Variants in ERC2 observed in about 807,000 individuals in gnomAD.
The protein encoded by ERC2 is ERC protein 2.
Under a neutral mutation model 114.8 loss-of-function variants are expected in ERC2, and 42 were observed. The ratio of observed to expected loss-of-function variants is 0.37; its 90% CI spans 0.29 to 0.47. The LOEUF (loss-of-function observed/expected upper bound fraction) is 0.47, where lower values mean the gene tolerates loss of function less well. Ranked by LOEUF, ERC2 falls within the 20% of genes least tolerant of loss-of-function variation. The pLI is 0.99. For missense variants in ERC2, 939 were observed against 1,150.7 expected, an observed-to-expected ratio of 0.82 and a Z score of 2.66; for synonymous variants, 454 against 425.5, an observed-to-expected ratio of 1.07 and a Z score of -0.82.
At chr3:55,890,278 C>A (rs1043255511) in intron 13 of ERC2, among the ~76,000 whole-genome samples, 1 of 152,012 alleles carries the variant, frequency 6.6e-6, no homozygotes, top group South Asian at 2.1e-4. Context: ...ATAGCAGTGA[C>A]CCCCAAAAAA....
chr3:56,250,661 A>G (rs1245502716), intron 3 of ERC2, among the ~76,000 whole-genome samples: 1 of 152,194 alleles, frequency 6.6e-6, no homozygotes, highest in Admixed American at 6.5e-5. Context: ...CCCCCTCATT[A>G]TATATTTTAA....
chr3:55,772,924 A>C (rs1420383496), intron 14 of ERC2, among the ~76,000 whole-genome samples: 1 of 152,168 alleles, frequency 6.6e-6, no homozygotes, highest in East Asian at 1.9e-4. Flanking sequence ...CCTACCTTCA[A>C]AATAGGTCCA....
chr3:56,462,012 CA>C (rs1193571592), intron 1 of ERC2, among the ~76,000 whole-genome samples: 2 of 152,190 alleles, frequency 1.3e-5, no homozygotes, highest in Non-Finnish European at 2.9e-5. Context: ...AGTCCATGGA[CA>C]GAATCTAATG....
Position 55,734,968 on chromosome 3 carries a change from A to C in ERC2, c.2565-50T>G, listed in dbSNP as rs140962855. On this transcript the variant is annotated intron_variant, in intron 14 of 17. Coordinates refer to ENST00000288221, the MANE Select transcript of ERC2 (RefSeq NM_015576.3). The stretch of plus-strand genomic sequence containing the variant: ...TCATTTTTGTAAAATAAAAAAAAAA[A>C]CAAACAATTGGCATTTATAGTTGAA... 7.9e-5 allele frequency: 115 copies of C among 1,461,938 alleles called. 1 individual carries two copies. Among genetic ancestry groups the C allele is most frequent in the Middle Eastern group, 1.8e-4 (1 of 5,604 alleles). 90.6% of individuals were successfully genotyped at this position (1,461,938 alleles called of 1,614,324 possible). A position where few individuals can be genotyped will look rare whatever the true frequency, so the allele number is the denominator to read the frequency against.
intron 3 of ERC2, among the ~76,000 whole-genome samples, chr3:56,249,051 G>A (rs758450323): frequency 6.6e-6 from 1 of 152,204 alleles, no homozygotes; most frequent in Non-Finnish European, 1.5e-5. Context: ...TGAGAAACAT[G>A]GCCAAATGTA....
At chr3:55,870,065 T>TA (rs1245448865) in intron 14 of ERC2, among the ~76,000 whole-genome samples, 1 of 150,174 alleles carries the variant, frequency 6.7e-6, no homozygotes, top group African/African-American at 2.5e-5. Flanking sequence ...TGTTATAGTA[T>TA]AAAAAAGAGT....
At chr3:56,239,903 G>A (rs187194876) in intron 3 of ERC2, among the ~76,000 whole-genome samples, 90 of 152,254 alleles carry the variant, frequency 5.9e-4, no homozygotes, top group Middle Eastern at 3.4e-3. Context: ...AACAAACATA[G>A]AGCAATGAAA....
At chr3:56,125,493 C>G (rs2079818132) in intron 6 of ERC2, among the ~76,000 whole-genome samples, 1 of 152,150 alleles carries the variant, frequency 6.6e-6, no homozygotes, top group African/African-American at 2.4e-5. Flanking sequence ...TGAACTGACC[C>G]TGACTAAATG....
At chr3:56,033,058 AAGAAAG>A (rs1560058783) in intron 7 of ERC2, among the ~76,000 whole-genome samples, 2 of 146,486 alleles carry the variant, frequency 1.4e-5, no homozygotes, top group African/African-American at 4.9e-5. Flanking sequence ...GAAAGAAAGA[AAGAAAG>A]AAAGAAAGAA....
At chr3:56,370,109 T>G (rs2059307439) in intron 2 of ERC2, among the ~76,000 whole-genome samples, 1 of 152,332 alleles carries the variant, frequency 6.6e-6, no homozygotes, top group South Asian at 2.1e-4. Context: ...TAAGGCTGTA[T>G]GTCAACTCCA....
intron 13 of ERC2, among the ~76,000 whole-genome samples, chr3:55,948,748 C>T (rs2067292442): frequency 6.6e-6 from 1 of 152,048 alleles, no homozygotes; most frequent in African/African-American, 2.4e-5. Flanking sequence ...TATATGTGTC[C>T]TCAGAAAAGA....
At chr3:56,392,942 C>T (rs1576733818) in intron 2 of ERC2, among the ~76,000 whole-genome samples, 1 of 152,310 alleles carries the variant, frequency 6.6e-6, no homozygotes, top group East Asian at 1.9e-4. Flanking sequence ...CCTGAAACTG[C>T]CTCCCTTCAG....
At chr3:55,809,515 G>A (rs1170581879) in intron 14 of ERC2, among the ~76,000 whole-genome samples, 1 of 152,016 alleles carries the variant, frequency 6.6e-6, no homozygotes, top group Non-Finnish European at 1.5e-5. Flanking sequence ...CATCTGACAA[G>A]GGACTGATAT....
rs192755463 is a variant in ERC2, at chr3:55,741,312, C to T, written c.2565-6394G>A. ...AATATCCTTGCTTTTTTTTTTCTCG[C>T]GGCAAATTTTGGTCCAGCCATTGAA... is the stretch of plus-strand genomic sequence containing the variant. On this transcript the variant is annotated intron_variant, in intron 14 of 17. Transcript: ENST00000288221. 2.3e-3 allele frequency among the ~76,000 whole-genome samples: 349 copies of T among 151,254 alleles called. 1 individual carries two copies. Among genetic ancestry groups the T allele is most frequent in the African/African-American group, 7.2e-3 (295 of 41,220 alleles).
intron 17 of ERC2, among the ~76,000 whole-genome samples, chr3:55,515,942 T>C (rs1024163297): frequency 3.3e-5 from 5 of 152,118 alleles, no homozygotes; most frequent in African/African-American, 1.2e-4. Context: ...GGGGAAACTG[T>C]TTAATAACAG....
intron 17 of ERC2, among the ~76,000 whole-genome samples, chr3:55,635,087 G>T (rs2059905226): frequency 6.6e-6 from 1 of 152,012 alleles, no homozygotes; most frequent in Non-Finnish European, 1.5e-5. Flanking sequence ...CACCTTGTTG[G>T]CCAGGATGGT....
At chr3:56,461,375 T>C (rs890096087) in intron 1 of ERC2, among the ~76,000 whole-genome samples, 19 of 152,314 alleles carry the variant, frequency 1.2e-4, no homozygotes, top group Admixed American at 2.0e-4. Flanking sequence ...CCAACTCCAG[T>C]TGACGGGAAG....
At chr3:56,138,329 G>A (rs974045632) in intron 6 of ERC2, among the ~76,000 whole-genome samples, 32 of 152,126 alleles carry the variant, frequency 2.1e-4, no homozygotes, top group African/African-American at 7.7e-4. Flanking sequence ...CAAAGTGTTG[G>A]GATTACAGGC....
In ERC2 at chr3:55,551,153, C is replaced by CAT. The variant is rs530077810; in HGVS notation, c.*40-39879_*40-39878dup. Among the ~76,000 whole-genome samples the CAT allele has an allele frequency of 1.1e-3, 169 of 151,960 alleles. 3 individuals are homozygous for CAT. The highest frequency in any genetic ancestry group is 0.011 in the Admixed American group (168 of 15,270). On this transcript the variant is annotated intron_variant, in intron 17 of 17. Coordinates refer to ENST00000288221, the MANE Select transcript of ERC2 (RefSeq NM_015576.3). Reference sequence around the variant, plus strand: ...ATACACACACATACATATATACACACATATATATACACATGAATATATACA... The same window carrying CAT: ...ATACACACACATACATATATACACACATATATATATACACATGAATATATACA...
Sources: gnomAD v4.1 joint callset for allele counts (sites outside exome capture counted in the v4.1 genomes callset) on GRCh38, gnomAD v4.1.1 for gene constraint, MANE v1.5 for transcripts, NCBI Gene and HGNC (gene_info 2026-07-23, HGNC 2026-07-21) for gene names.